The following GPHN variants were observed in gnomAD, a reference collection of about 807,000 sequenced individuals.
The protein encoded by GPHN is gephyrin.
In GPHN, 17 loss-of-function variants were observed where a neutral mutation model predicts 95.5. The observed-to-expected ratio is 0.18, with a 90% confidence interval of 0.12 to 0.27. GPHN has a LOEUF of 0.27. Ranked by LOEUF, GPHN falls within the 10% of genes least tolerant of loss-of-function variation. The probability of loss-of-function intolerance (pLI) is 1.00; values close to 1 mark genes in which losing one functional copy is unlikely to be tolerated. For missense variants in GPHN, 660 were observed against 978.1 expected (o/e 0.67, Z 4.34); for synonymous variants, 320 against 322.5 (o/e 0.99, Z 0.08).
chr14:66,729,200 T>C (rs2071532979), intron 2 of GPHN, among the ~76,000 whole-genome samples: 1 of 152,194 alleles, frequency 6.6e-6, no homozygotes, highest in South Asian at 2.1e-4. Context: ...ACCTCTTTAT[T>C]TTGTAAATTG....
chr14:67,666,486 C>A, the GPHN span, among the ~76,000 whole-genome samples: 1 of 152,182 alleles, frequency 6.6e-6, no homozygotes, highest in Non-Finnish European at 1.5e-5. Context: ...CCTTTCTGGA[C>A]TTCTAAGATT....
intron 8 of GPHN, 138 bp from the exon 9 acceptor site, chr14:66,965,053 A>C: frequency 1.4e-6 from 1 of 736,492 alleles, no homozygotes; most frequent in Non-Finnish European, 2.5e-6. Context: ...AAGTTGTTGG[A>C]TGCATTTATA....
At chr14:66,569,636 CT>C (rs1293628309) in intron 1 of GPHN, among the ~76,000 whole-genome samples, 1 of 151,002 alleles carries the variant, frequency 6.6e-6, no homozygotes, top group East Asian at 1.9e-4. Context: ...GCACACCAGC[CT>C]AGGTGACAGA....
At chr14:67,601,164 T>C in the GPHN span, among the ~76,000 whole-genome samples, 1 of 152,026 alleles carries the variant, frequency 6.6e-6, no homozygotes, top group Non-Finnish European at 1.5e-5. Flanking sequence ...TCAGGCGAAG[T>C]CTCTAAGTAA....
the GPHN span, chr14:67,705,952 A>C: frequency 6.3e-4 from 96 of 152,362 alleles, 1 homozygote; most frequent in Admixed American, 6.3e-3. Context: ...ATTAGTAAAG[A>C]TATCAGGTGC....
At chr14:66,809,043 T>A (rs1193882824) in intron 3 of GPHN, among the ~76,000 whole-genome samples, 3 of 152,192 alleles carry the variant, frequency 2.0e-5, no homozygotes, top group Non-Finnish European at 2.9e-5. Context: ...TAAGTTAGGT[T>A]GGAGTCACAT....
the GPHN span, among the ~76,000 whole-genome samples, chr14:67,222,553 G>T: frequency 6.6e-6 from 1 of 152,174 alleles, no homozygotes; most frequent in Admixed American, 6.5e-5. Context: ...TGGGATTATA[G>T]GAGTGAGCCA....
chr14:67,734,096 G>T, the GPHN span: 1 of 387,316 alleles, frequency 2.6e-6, no homozygotes, highest in Non-Finnish European at 5.0e-6. Context: ...CAACCCTCTG[G>T]GGGCAGCAGG....
chr14:67,730,706 C>T, the GPHN span, among the ~76,000 whole-genome samples: 4 of 151,990 alleles, frequency 2.6e-5, no homozygotes, highest in East Asian at 3.9e-4. Flanking sequence ...TGGGTTCAAG[C>T]GATTCTCCTG....
intron 9 of GPHN, among the ~76,000 whole-genome samples, chr14:67,011,721 C>T (rs2153617079): frequency 6.6e-6 from 1 of 151,584 alleles, no homozygotes; most frequent in African/African-American, 2.4e-5. Context: ...TATTTATTTT[C>T]AAGTAACCTA....
the GPHN span, among the ~76,000 whole-genome samples, chr14:67,659,266 G>A: frequency 1.3e-5 from 2 of 152,076 alleles, no homozygotes; most frequent in East Asian, 3.9e-4. Context: ...TTGACATTAA[G>A]GTAAAGGAAA....
chr14:67,460,837 A>C, the GPHN span, among the ~76,000 whole-genome samples: 1 of 152,208 alleles, frequency 6.6e-6, no homozygotes, highest in African/African-American at 2.4e-5. Context: ...TAAATGTTTT[A>C]CCTTTCTGGA....
intron 18 of GPHN, among the ~76,000 whole-genome samples, chr14:67,154,337 A>G (rs1440177838): frequency 6.6e-6 from 1 of 151,966 alleles, no homozygotes; most frequent in Non-Finnish European, 1.5e-5. Flanking sequence ...CACCCTCATC[A>G]TTTTCTATCC....
the GPHN span, among the ~76,000 whole-genome samples, chr14:67,480,574 C>T: frequency 5.9e-5 from 9 of 152,162 alleles, no homozygotes; most frequent in African/African-American, 1.7e-4. Context: ...CACACTGAGG[C>T]GGTCTGAGGG....
downstream of GPHN, among the ~76,000 whole-genome samples, chr14:67,184,358 T>C (rs1276151989): frequency 6.6e-6 from 1 of 152,180 alleles, no homozygotes; most frequent in East Asian, 1.9e-4. Context: ...GAAAACGCTT[T>C]GGCAGCCTTG....
chr14:67,448,258 C>G, the GPHN span, among the ~76,000 whole-genome samples: 1 of 151,012 alleles, frequency 6.6e-6, no homozygotes, highest in South Asian at 2.1e-4. Context: ...CCTGCCTCAG[C>G]CTCCTGAGTA....
intron 2 of GPHN, among the ~76,000 whole-genome samples, chr14:66,716,893 T>A (rs542475284): frequency 6.6e-6 from 1 of 152,330 alleles, no homozygotes; most frequent in African/African-American, 2.4e-5. Context: ...GTGGTTAATC[T>A]AAGTTTCCCT....
the GPHN span, among the ~76,000 whole-genome samples, chr14:67,222,519 G>C: frequency 0.042 from 6,377 of 152,194 alleles, 817 homozygotes; most frequent in East Asian, 0.42. Flanking sequence ...CCAGTGATCT[G>C]CCCACCTGGG....
chr14:67,301,300 A>T, the GPHN span: 1 of 616,088 alleles, frequency 1.6e-6, no homozygotes, highest in South Asian at 3.6e-5. Context: ...TATTATTTTA[A>T]TTTGTACTTA....
Sources: allele counts gnomAD v4.1 joint callset (sites outside exome capture counted in the v4.1 genomes callset), GRCh38; gene constraint gnomAD v4.1.1; transcripts MANE v1.5; gene names NCBI Gene and HGNC (gene_info 2026-07-23, HGNC 2026-07-21).